RXFP2: variants seen among roughly 807,000 people sequenced by gnomAD.
RXFP2 encodes the protein relaxin receptor 2.
RXFP2 carries 68 observed loss-of-function variants against 88.6 expected under a neutral mutation model. The observed-to-expected ratio is 0.77, with a 90% CI of 0.63 to 0.94. The LOEUF is 0.94. Ranked by LOEUF, RXFP2 falls within the 40% of genes least tolerant of loss-of-function variation. The pLI, the probability that RXFP2 is intolerant of heterozygous loss-of-function variation, is 0.00. For synonymous variants in RXFP2, 329 were observed against 306.8 expected, an observed-to-expected ratio of 1.07 and a Z score of -0.76; for missense variants, 791 against 893.9, an observed-to-expected ratio of 0.88 and a Z score of 1.47.
intron 5 of RXFP2, among the ~76,000 whole-genome samples, chr13:31,770,645 C>T (rs1318396400): frequency 6.6e-6 from 1 of 152,198 alleles, no homozygotes; most frequent in African/African-American, 2.4e-5. Context: ...TTCCTTGACA[C>T]TTTCTTGCTT....
At chr13:31,749,004 T>A (rs1871545795) in intron 1 of RXFP2, among the ~76,000 whole-genome samples, 1 of 152,060 alleles carries the variant, frequency 6.6e-6, no homozygotes, top group Admixed American at 6.5e-5. Flanking sequence ...TCAAAAAAAA[T>A]AAATACAAGG....
chr13:31,761,604 A>G, intron 2 of RXFP2, 120 bp from the exon 3 acceptor site: 1 of 699,320 alleles, frequency 1.4e-6, no homozygotes, highest in Non-Finnish European at 2.6e-6. Flanking sequence ...TGTATTTAAA[A>G]TATCAATAAT....
At chr13:31,754,532 A>G (rs1039260967) in intron 1 of RXFP2, among the ~76,000 whole-genome samples, 2 of 151,788 alleles carry the variant, frequency 1.3e-5, no homozygotes, top group Admixed American at 6.6e-5. Context: ...TTCCATCTCA[A>G]GAAGAAAAAA....
Position 31,739,548 on chromosome 13 carries a change from TA to T in RXFP2, c.-64del. 1 of 1,017,244 alleles carries T rather than the reference TA, an allele frequency of 9.8e-7. No individual in the cohort carries two copies. The highest frequency in any genetic ancestry group is 1.6e-6 in the Non-Finnish European group (1 of 637,296). The allele number at this position is 1,017,244 out of a possible 1,614,324, so 63.0% of individuals were successfully genotyped here. ...CTCAGAACATGGGAGGCACTGAACT[TA>T]CTACATCAGAACTCCTGCTGAGGTA... On this transcript the variant is annotated 5_prime_UTR_variant, in exon 1 of 18. An upstream open reading frame in the 5' UTR gains an earlier in-frame stop. Coordinates refer to ENST00000298386, the MANE Select transcript of RXFP2 (RefSeq NM_130806.5).
rs550057520 is a variant in RXFP2 at position 31,753,923 on chromosome 13, G to A, written c.95-4335G>A. ...AGATGGAAGCCACAGAGAGAAAAGG[G>A]TGGGGAATACATTGTATTCATTTAT... On this transcript the variant is annotated intron_variant, in intron 1 of 17. Transcript: ENST00000298386. Among the ~76,000 whole-genome samples the A allele has an allele frequency of 2.7e-5, 4 of 147,612 alleles. No individual in the cohort carries two copies. The East Asian group carries it at 7.7e-4, about 28-fold the overall frequency.
chr13:31,740,314 G>A (rs1440570979), intron 1 of RXFP2, among the ~76,000 whole-genome samples: 1 of 151,848 alleles, frequency 6.6e-6, no homozygotes, highest in Non-Finnish European at 1.5e-5. Context: ...CATTTTCATT[G>A]TAAAGCTCAC....
At chr13:31,786,700 ATTTT>A in intron 13 of RXFP2, 63 bp downstream of exon 13, 4 of 1,034,888 alleles carry the variant, frequency 3.9e-6, no homozygotes, top group South Asian at 1.3e-5. Context: ...AGACACATTT[ATTTT>A]TAAATGGGTA....
At chr13:31,789,523 T>C (rs923114549) in intron 14 of RXFP2, among the ~76,000 whole-genome samples, 1 of 152,202 alleles carries the variant, frequency 6.6e-6, no homozygotes, top group Admixed American at 6.5e-5. Flanking sequence ...TCACCTCTCA[T>C]GAATGAGCAG....
intron 14 of RXFP2, among the ~76,000 whole-genome samples, chr13:31,790,615 G>C (rs1873747520): frequency 1.3e-5 from 2 of 152,340 alleles, no homozygotes; most frequent in South Asian, 4.1e-4. Context: ...AAGAGAGGAT[G>C]TCTGTGCCTG....
rs1404662593 is a variant in RXFP2, at chr13:31,769,643, C to T, written c.497+3616C>T. On this transcript the variant is annotated intron_variant, in intron 5 of 17. Coordinates refer to ENST00000298386, the MANE Select transcript of RXFP2 (RefSeq NM_130806.5). ...CCCTTTCCTTCTGCACTCTATGTGC[C>T]CTATGATTATATTGCTCTTTTGATG... Among the ~76,000 whole-genome samples, 4 of 152,204 alleles carry T rather than the reference C, an allele frequency of 2.6e-5. No individual in the cohort carries two copies. The East Asian group carries it at 7.7e-4, about 29-fold the overall frequency.
At chr13:31,791,669 T>C in intron 14 of RXFP2, 137 bp from the exon 15 acceptor site, 1 of 686,674 alleles carries the variant, frequency 1.5e-6, no homozygotes, top group Non-Finnish European at 2.6e-6. Flanking sequence ...TCTTTAATTA[T>C]ATAAACACTA....
chr13:31,786,457 A>G lies in RXFP2; in HGVS notation c.1001+3A>G, dbSNP rs1371054099. 1.9e-6 allele frequency: 3 copies of G among 1,595,654 alleles called. No individual in the cohort carries two copies. The Admixed American group carries it at 5.0e-5, about 27-fold the overall frequency. ...GACTTGAAGCTTCTACAAAAGCTGTAAGTTCTACTTCTCACCATAATCAGA... is the reference window on the plus strand; with the variant it reads ...GACTTGAAGCTTCTACAAAAGCTGTGAGTTCTACTTCTCACCATAATCAGA... On this transcript the variant is annotated splice_donor_region_variant and intron_variant, in intron 12 of 17. Coordinates refer to ENST00000298386, the MANE Select transcript of RXFP2 (RefSeq NM_130806.5).
chr13:31,763,603 G>T (rs1872404270), intron 3 of RXFP2, among the ~76,000 whole-genome samples: 1 of 150,946 alleles, frequency 6.6e-6, no homozygotes, highest in Non-Finnish European at 1.5e-5. Context: ...CCCAGAAAAT[G>T]CCATTGAGAA....
At chr13:31,749,062 G>A (rs1871548935) in intron 1 of RXFP2, among the ~76,000 whole-genome samples, 1 of 152,068 alleles carries the variant, frequency 6.6e-6, no homozygotes, top group South Asian at 2.1e-4. Flanking sequence ...TTTCCTTTAT[G>A]ATTAGTACTT....
intron 17 of RXFP2, among the ~76,000 whole-genome samples, chr13:31,801,124 C>T (rs1874318261): frequency 1.3e-5 from 2 of 152,008 alleles, no homozygotes; most frequent in African/African-American, 4.8e-5. Context: ...AACAAAATAA[C>T]AGTGGCTGAA....
chr13:31,782,677 T>C lies in RXFP2; in HGVS notation c.859T>C (p.Phe287Leu), dbSNP rs765887483. 10 of 1,610,448 alleles carry C rather than the reference T, an allele frequency of 6.2e-6. No homozygotes were observed. The highest frequency in any genetic ancestry group is 8.5e-6 in the Non-Finnish European group (10 of 1,176,698). ...FLSCDSLTVL[F>L]LPRNQIGFVP... is the part of the protein sequence containing the mutation. The stretch of plus-strand genomic sequence containing the variant: ...GCTGATTCTCGCCATGTCTTACAGG[T>C]TTCTGCCTAGAAATCAAATTGGTTT... Residue 287 changes from phenylalanine (F) to leucine (L), a missense_variant and splice_region_variant, in exon 11 of 18, where the codon TTT becomes CTT. Coordinates refer to ENST00000298386, the MANE Select transcript of RXFP2 (RefSeq NM_130806.5).
At chr13:31,744,223 C>T (rs1871319483) in intron 1 of RXFP2, among the ~76,000 whole-genome samples, 3 of 152,102 alleles carry the variant, frequency 2.0e-5, no homozygotes, top group African/African-American at 7.2e-5. Context: ...TTTTCTAGGT[C>T]CAATGATTTG....
intron 5 of RXFP2, among the ~76,000 whole-genome samples, chr13:31,769,956 A>G (rs762346738): frequency 6.6e-6 from 1 of 152,218 alleles, no homozygotes; most frequent in South Asian, 2.1e-4. Context: ...GGAGTAAAAT[A>G]TTGAAGAGAA....
chr13:31,759,414 A>AAAGAAAGAAAGAAAGAAAG (rs1183941510), intron 2 of RXFP2, among the ~76,000 whole-genome samples: 20 of 150,636 alleles, frequency 1.3e-4, no homozygotes, highest in African/African-American at 2.7e-4. Flanking sequence ...AGAAAGAAAG[A>AAAGAAAGAAAGAAAGAAAG]AAGAAAGAAA....
Sources: allele counts gnomAD v4.1 joint callset (sites outside exome capture counted in the v4.1 genomes callset), GRCh38; gene constraint gnomAD v4.1.1; transcripts MANE v1.5; gene names NCBI Gene and HGNC (gene_info 2026-07-23, HGNC 2026-07-21).